PLEKHG1: variants seen among roughly 807,000 people sequenced by gnomAD.
The protein encoded by PLEKHG1 is pleckstrin homology and RhoGEF domain containing G1.
Under a neutral mutation model 100.8 loss-of-function variants are expected in PLEKHG1, and 44 were observed. The observed-to-expected ratio is 0.44, with a 90% CI of 0.34 to 0.56. The LOEUF is 0.56. Ranked by LOEUF, PLEKHG1 falls within the 20% of genes least tolerant of loss-of-function variation. PLEKHG1 has a pLI of 0.01. For missense variants in PLEKHG1, 1,545 were observed against 1,720.9 expected, an observed-to-expected ratio of 0.90 and a Z score of 1.81; for synonymous variants, 640 against 662.5, an observed-to-expected ratio of 0.97 and a Z score of 0.52.
chr6:150,702,557 G>GTGTGT (rs145870305), intron 3 of PLEKHG1, among the ~76,000 whole-genome samples: 9 of 142,830 alleles, frequency 6.3e-5, no homozygotes, highest in Non-Finnish European at 1.2e-4. Flanking sequence ...TTTGTTTTGG[G>GTGTGT]GTGTGTGTGT....
At position 150,768,754 on chromosome 6, in the gene PLEKHG1, A is replaced by G. The variant is rs1275355805; in HGVS notation, c.512+16A>G. On this transcript the variant is annotated intron_variant, in intron 3 of 15. Coordinates refer to ENST00000358517, the Ensembl canonical transcript of PLEKHG1. ...ACTTCAATAGGTAAGTTAATATTCA[A>G]AAGATTGTTCTCACATACGAGCATT... is the stretch of plus-strand genomic sequence containing the variant. 1.4e-6 allele frequency: 2 copies of G among 1,380,904 alleles called. No individual in the cohort carries two copies. The highest frequency in any genetic ancestry group is 2.8e-5 in the African/African-American group (2 of 70,378). The allele number at this position is 1,380,904 out of a possible 1,614,324, so 85.5% of individuals were successfully genotyped here.
intron 10 of PLEKHG1, among the ~76,000 whole-genome samples, chr6:150,810,514 A>AAGAAAGAAAGAAAGAAAGAAAGAAAG (rs1554277627): frequency 3.4e-5 from 3 of 88,538 alleles, no homozygotes; most frequent in African/African-American, 1.0e-4. Flanking sequence ...GAAAGAAAGA[A>AAGAAAGAAAGAAAGAAAGAAAGAAAG]AAAGAAAGAA....
intron 2 of PLEKHG1, among the ~76,000 whole-genome samples, chr6:150,750,780 CAAAAA>C (rs1158670858): frequency 1.9e-4 from 7 of 37,402 alleles, no homozygotes; most frequent in East Asian, 6.9e-4. Flanking sequence ...GACTCCATCT[CAAAAA>C]AAAAAAAAAA....
At chr6:150,684,773 T>C (rs1042916368) in intron 3 of PLEKHG1, among the ~76,000 whole-genome samples, 9 of 151,258 alleles carry the variant, frequency 6.0e-5, no homozygotes, top group African/African-American at 2.2e-4. Flanking sequence ...GGGGTTGGGG[T>C]GTATCTTACA....
intron 1 of PLEKHG1, among the ~76,000 whole-genome samples, chr6:150,604,167 G>A (rs1368290408): frequency 6.6e-6 from 1 of 152,146 alleles, no homozygotes; most frequent in Non-Finnish European, 1.5e-5. Context: ...TCTAATAACA[G>A]CTAAAACTTT....
chr6:150,600,047 G>A lies in PLEKHG1; in HGVS notation c.-204+30G>A. On this transcript the variant is annotated intron_variant, in intron 1 of 3. Coordinates refer to the PLEKHG1 transcript ENST00000367326. The surrounding 1 kb of genome is among the most constrained non-coding windows in gnomAD (Gnocchi z 6.2). ...GCGCCGGTCGGGCCCGGACGCCCTG[G>A]GGACTTTTCCAGGGATGGGAGGGGG... 5.0e-6 allele frequency: 1 copy of A among 201,302 alleles called. No individual in the cohort carries two copies. Among genetic ancestry groups the A allele is most frequent in the Non-Finnish European group, 1.1e-5 (1 of 92,954 alleles). The allele number at this position is 201,302 out of a possible 1,614,324, so 12.5% of individuals were successfully genotyped here.
At chr6:150,663,392 A>G (rs567616968) in intron 3 of PLEKHG1, 3 of 152,280 alleles carry the variant, frequency 2.0e-5, no homozygotes, top group South Asian at 4.1e-4. Context: ...GTGGCTCACA[A>G]ATGAACCATT....
chr6:150,635,450 TG>T (rs1349240961), intron 1 of PLEKHG1, among the ~76,000 whole-genome samples: 2 of 152,246 alleles, frequency 1.3e-5, no homozygotes, highest in Non-Finnish European at 2.9e-5. Flanking sequence ...AAGTGTAATT[TG>T]TAATTAAAAA....
intron 2 of PLEKHG1, among the ~76,000 whole-genome samples, chr6:150,760,130 T>A (rs1432599259): frequency 6.6e-6 from 1 of 152,234 alleles, no homozygotes; most frequent in Non-Finnish European, 1.5e-5. Context: ...TTTACTTAAT[T>A]TTCCTTAATC....
At chr6:150,704,247 A>C (rs1322535356) in intron 3 of PLEKHG1, among the ~76,000 whole-genome samples, 1 of 152,184 alleles carries the variant, frequency 6.6e-6, no homozygotes, top group Non-Finnish European at 1.5e-5. Flanking sequence ...CTTCAGACAT[A>C]AACCTTCCTC....
At chr6:150,605,959 G>C (rs1289031457) in intron 1 of PLEKHG1, 1 of 152,150 alleles carries the variant, frequency 6.6e-6, no homozygotes, top group Non-Finnish European at 1.5e-5. Context: ...GTTACTCTTT[G>C]ATTGCATACA....
intron 1 of PLEKHG1, among the ~76,000 whole-genome samples, chr6:150,635,865 C>A (rs1423990999): frequency 6.6e-6 from 1 of 152,098 alleles, no homozygotes; most frequent in Non-Finnish European, 1.5e-5. Flanking sequence ...TATATTAAGG[C>A]CCCTGGTTTC....
intron 1 of PLEKHG1, among the ~76,000 whole-genome samples, chr6:150,726,251 G>T (rs1562464866): frequency 6.6e-6 from 1 of 152,140 alleles, no homozygotes; most frequent in Non-Finnish European, 1.5e-5. Context: ...TGCTAAGGAG[G>T]TAGATCTTAA....
chr6:150,752,983 C>A (rs935272338), intron 2 of PLEKHG1, among the ~76,000 whole-genome samples: 1 of 152,042 alleles, frequency 6.6e-6, no homozygotes, highest in African/African-American at 2.4e-5. Flanking sequence ...CATGATGGTG[C>A]CTTCCTGTAG....
intron 15 of PLEKHG1, among the ~76,000 whole-genome samples, chr6:150,835,241 C>G (rs758274616): frequency 1.3e-5 from 2 of 152,130 alleles, no homozygotes; most frequent in African/African-American, 2.4e-5. Flanking sequence ...ATCAGACCTT[C>G]CTCCTGATAG....
intron 3 of PLEKHG1, among the ~76,000 whole-genome samples, chr6:150,698,514 A>C (rs987635117): frequency 6.7e-6 from 1 of 148,512 alleles, no homozygotes; most frequent in Non-Finnish European, 1.5e-5. Context: ...ACACACGTAC[A>C]TGAAAAAGTA....
At chr6:150,818,707 TA>T (rs1185643808) in intron 11 of PLEKHG1, among the ~76,000 whole-genome samples, 1 of 152,254 alleles carries the variant, frequency 6.6e-6, no homozygotes, top group African/African-American at 2.4e-5. Context: ...GAATAAATGT[TA>T]CAGGTCCTTC....
chr6:150,721,282 C>T (rs1168858220), intron 1 of PLEKHG1: 2 of 559,570 alleles, frequency 3.6e-6, no homozygotes, highest in African/African-American at 4.1e-5. Flanking sequence ...GAGAGGTCCA[C>T]CGAGGTGAGA....
intron 1 of PLEKHG1, among the ~76,000 whole-genome samples, chr6:150,724,322 G>A (rs546693181): frequency 6.6e-6 from 1 of 152,324 alleles, no homozygotes; most frequent in East Asian, 1.9e-4. Context: ...AGGAGGCTGG[G>A]AAATGTGCTC....
Sources: gnomAD v4.1 joint callset for allele counts (sites outside exome capture counted in the v4.1 genomes callset) on GRCh38, gnomAD v4.1.1 for gene constraint, Gnocchi (gnomAD v3.1) non-coding constraint, MANE v1.5 for transcripts, NCBI Gene and HGNC (gene_info 2026-07-23, HGNC 2026-07-21) for gene names.